Variants in TSNARE1 observed in about 807,000 individuals in gnomAD.
TSNARE1 encodes t-SNARE domain containing 1, also known as t-SNARE domain-containing protein 1.
In TSNARE1, 49 loss-of-function variants were observed where a neutral mutation model predicts 62.0. The ratio of observed to expected loss-of-function variants is 0.79; its 90% CI spans 0.63 to 1.00. TSNARE1 has a LOEUF of 1.00. Among genes scored for constraint, TSNARE1 ranks in the 50% least tolerant of loss-of-function variants. The pLI, the probability that TSNARE1 is intolerant of heterozygous loss-of-function variation, is 0.00. For missense variants in TSNARE1, 755 were observed against 700.1 expected, an observed-to-expected ratio of 1.08 and a Z score of -0.88; for synonymous variants, 328 against 294.4, an observed-to-expected ratio of 1.11 and a Z score of -1.17.
chr8:142,367,871 C>T (rs1030732687), intron 1 of TSNARE1, among the ~76,000 whole-genome samples: 2 of 152,190 alleles, frequency 1.3e-5, no homozygotes, highest in African/African-American at 4.8e-5. Flanking sequence ...GGTGCTGAGA[C>T]ACCTGCTTAG....
chr8:142,255,575 T>C (rs62650723), intron 12 of TSNARE1, among the ~76,000 whole-genome samples: 155 of 5,914 alleles, frequency 0.026, 28 homozygotes, highest in Middle Eastern at 0.17. Flanking sequence ...ACCATCACCA[T>C]CACCACCACC....
At chr8:142,333,372 G>A (rs12678840) in intron 4 of TSNARE1, among the ~76,000 whole-genome samples, 9,285 of 152,272 alleles carry the variant, frequency 0.061, 452 homozygotes, top group East Asian at 0.26. Context: ...AGCTACGTGG[G>A]TGTCGGTGCA....
chr8:142,324,986 G>A (rs759767951), intron 6 of TSNARE1, among the ~76,000 whole-genome samples: 12 of 152,192 alleles, frequency 7.9e-5, no homozygotes, highest in East Asian at 1.9e-4. Context: ...ACACTGCCCC[G>A]TCCTAGACCT....
chr8:142,318,117 G>A (rs1187779815), intron 7 of TSNARE1, among the ~76,000 whole-genome samples: 1 of 152,220 alleles, frequency 6.6e-6, no homozygotes, highest in African/African-American at 2.4e-5. Context: ...AAGGCGCCAA[G>A]GTAGGTGAGG....
intron 12 of TSNARE1, among the ~76,000 whole-genome samples, chr8:142,272,437 TGTCTACACC>T (rs1819706852): frequency 6.3e-5 from 5 of 79,714 alleles, no homozygotes; most frequent in Admixed American, 2.6e-4. Context: ...TCCACCCGCC[TGTCTACACC>T]TTCCTCCTTC....
chr8:142,314,348 A>C, intron 9 of TSNARE1, 36 bp downstream of exon 9: 1 of 1,591,112 alleles, frequency 6.3e-7, no homozygotes, highest in Non-Finnish European at 8.6e-7. Flanking sequence ...GCTGTCCCCT[A>C]ACAGCCACTG....
At chr8:142,215,536 C>T (rs1815793004) in intron 13 of TSNARE1, among the ~76,000 whole-genome samples, 1 of 152,166 alleles carries the variant, frequency 6.6e-6, no homozygotes, top group African/African-American at 2.4e-5. Flanking sequence ...CCTCCCCACA[C>T]ACACTCTGTC....
At chr8:142,388,749 G>T (rs1345600801) in intron 1 of TSNARE1, among the ~76,000 whole-genome samples, 1 of 151,786 alleles carries the variant, frequency 6.6e-6, no homozygotes, top group East Asian at 1.9e-4. Flanking sequence ...GTAGAGACGG[G>T]GTTTTGCCAT....
intron 6 of TSNARE1, among the ~76,000 whole-genome samples, chr8:142,320,799 TCA>T (rs1829373650): frequency 6.6e-6 from 1 of 152,342 alleles, no homozygotes; most frequent in African/African-American, 2.4e-5. Context: ...AGGTCACGAC[TCA>T]CACTTTTCTC....
At chr8:142,335,492 A>G (rs1257888585) in intron 4 of TSNARE1, among the ~76,000 whole-genome samples, 1 of 152,192 alleles carries the variant, frequency 6.6e-6, no homozygotes, top group Non-Finnish European at 1.5e-5. Context: ...TTAAAGATCT[A>G]TGCTGTAAAC....
intron 1 of TSNARE1, among the ~76,000 whole-genome samples, chr8:142,375,767 A>T (rs1836281391): frequency 6.6e-6 from 1 of 152,226 alleles, no homozygotes; most frequent in Non-Finnish European, 1.5e-5. Context: ...ATGGCAACTG[A>T]GGCCCAGAAG....
At chr8:142,336,914 G>A (rs1831835108) in intron 4 of TSNARE1, among the ~76,000 whole-genome samples, 1 of 152,084 alleles carries the variant, frequency 6.6e-6, no homozygotes. Flanking sequence ...AAATAATCAT[G>A]TGTAACAGAA....
At chr8:142,387,636 T>A (rs1197993343) in intron 1 of TSNARE1, among the ~76,000 whole-genome samples, 1 of 151,904 alleles carries the variant, frequency 6.6e-6, no homozygotes, top group Non-Finnish European at 1.5e-5. Flanking sequence ...CATGAATAAA[T>A]TTGACAAACA....
chr8:142,303,269 G>C (rs1359758127), intron 9 of TSNARE1, among the ~76,000 whole-genome samples: 2 of 152,144 alleles, frequency 1.3e-5, no homozygotes, highest in African/African-American at 4.8e-5. Context: ...AGCGCTCCTG[G>C]GGAGGCCTCC....
rs1563781684 is a variant in TSNARE1, at chr8:142,255,935, C to CCACCACCACCACCACCACCACCATCA, written c.1446+18845_1446+18846insTGATGGTGGTGGTGGTGGTGGTGGTG. ...ACCACCACCATCACCATCACCATCA[C>CCACCACCACCACCACCACCACCATCA]CATCACCACCATCATCACCATCACC... On this transcript the variant is annotated intron_variant, in intron 12 of 13. Transcript: ENST00000524325. Among the ~76,000 whole-genome samples the CCACCACCACCACCACCACCACCATCA allele has an allele frequency of 1.2e-4, 3 of 24,416 alleles. 1 individual carries two copies. 16.0% of individuals were successfully genotyped at this position (24,416 alleles called of 152,430 possible). A position where few individuals can be genotyped will look rare whatever the true frequency, so the allele number is the denominator to read the frequency against.
At chr8:142,218,315 G>A (rs73362753) in intron 13 of TSNARE1, among the ~76,000 whole-genome samples, 1 of 151,358 alleles carries the variant, frequency 6.6e-6, no homozygotes, top group Non-Finnish European at 1.5e-5. Flanking sequence ...AGGGCTCAGC[G>A]TGTGACCAGG....
At chr8:142,257,516 C>T (rs1818645266) in intron 12 of TSNARE1, among the ~76,000 whole-genome samples, 1 of 152,120 alleles carries the variant, frequency 6.6e-6, no homozygotes, top group African/African-American at 2.4e-5. Context: ...CACATTCCAC[C>T]CACCACTCCC....
At chr8:142,267,547 C>T (rs1470634995) in intron 12 of TSNARE1, among the ~76,000 whole-genome samples, 1 of 152,206 alleles carries the variant, frequency 6.6e-6, no homozygotes, top group African/African-American at 2.4e-5. Flanking sequence ...GGACATGACC[C>T]TGCAGCTTCA....
chr8:142,322,718 C>T (rs1829644115), intron 6 of TSNARE1, among the ~76,000 whole-genome samples: 1 of 152,036 alleles, frequency 6.6e-6, no homozygotes, highest in Non-Finnish European at 1.5e-5. Context: ...TTGGCCGTGC[C>T]TGTGGGCTGG....
Sources: gnomAD v4.1 joint callset for allele counts (sites outside exome capture counted in the v4.1 genomes callset) on GRCh38, gnomAD v4.1.1 for gene constraint, MANE v1.5 for transcripts, NCBI Gene and HGNC (gene_info 2026-07-23, HGNC 2026-07-21) for gene names.